The following TNRC18 variants were observed in gnomAD, a reference collection of about 807,000 sequenced individuals.
TNRC18 encodes the protein trinucleotide repeat-containing gene 18 protein.
A neutral mutation model predicts 226.7 loss-of-function variants in TNRC18; 69 were observed. That is an observed-to-expected ratio of 0.30 (90% confidence interval 0.25 to 0.37). TNRC18 has a LOEUF of 0.37. Ranked by LOEUF, TNRC18 falls within the 10% of genes least tolerant of loss-of-function variation. The pLI is 1.00. For missense variants in TNRC18, 4,754 were observed against 4,256.6 expected, an observed-to-expected ratio of 1.12 and a Z score of -3.25; for synonymous variants, 2,449 against 1,927.6, an observed-to-expected ratio of 1.27 and a Z score of -7.09.
At chr7:5,364,514 C>CA (rs1295238659) in intron 11 of TNRC18, among the ~76,000 whole-genome samples, 1 of 145,262 alleles carries the variant, frequency 6.9e-6, no homozygotes, top group Non-Finnish European at 1.5e-5. Flanking sequence ...CACACACACA[C>CA]GATCTCAGGC....
At chr7:5,350,193 G>A (rs1004673701) in intron 17 of TNRC18, among the ~76,000 whole-genome samples, 2 of 152,100 alleles carry the variant, frequency 1.3e-5, no homozygotes, top group Non-Finnish European at 2.9e-5. Flanking sequence ...CGGACAGCCC[G>A]GGCAGGGGGA....
intron 19 of TNRC18, 200 bp from the exon 20 acceptor site, chr7:5,325,448 G>A (rs1788813353): frequency 1.8e-6 from 1 of 565,124 alleles, no homozygotes; most frequent in Non-Finnish European, 3.0e-6. Flanking sequence ...TTTTGAGACG[G>A]AGTCTCGCTC....
chr7:5,345,517 G>GGGGGGGGGGACCCCCCCCCCCCCC, intron 18 of TNRC18, 45 bp downstream of exon 18: 1 of 377,744 alleles, frequency 2.6e-6, no homozygotes, highest in East Asian at 4.6e-5. Flanking sequence ...AATGGCGTCC[G>GGGGGGGGGGACCCCCCCCCCCCCC]CCCCTCCCAC....
At position 5,371,347 on chromosome 7, in the gene TNRC18, G is replaced by A; in HGVS notation, c.3247C>T (p.Pro1083Ser). ...TAGTGCGGTGGCAGGGCTTGGAACG[G>A]GTACCTGGGCGGGATATCTGCCAAG... ...ALFSDIPPRYPFQALPPHYGR... is the reference protein window; with the variant it reads ...ALFSDIPPRYSFQALPPHYGR... The change falls in exon 11 of 30, where the codon CCG becomes TCG. Residue 1083 changes from proline to serine, a missense_variant. Coordinates refer to ENST00000430969, the MANE Select transcript of TNRC18 (RefSeq NM_001080495.3). The A allele has an allele frequency of 1.3e-6, 2 of 1,514,032 alleles. No homozygotes were observed. Among genetic ancestry groups the A allele is most frequent in the Non-Finnish European group, 8.8e-7 (1 of 1,136,980 alleles). 93.8% of individuals were successfully genotyped at this position (1,514,032 alleles called of 1,614,324 possible). A position where few individuals can be genotyped will look rare whatever the true frequency, so the allele number is the denominator to read the frequency against.
At chr7:5,333,579 A>G (rs1420893715) in intron 18 of TNRC18, among the ~76,000 whole-genome samples, 1 of 141,722 alleles carries the variant, frequency 7.1e-6, no homozygotes, top group Non-Finnish European at 1.5e-5. Context: ...GGCCCCACCC[A>G]TTGCACAGCC....
chr7:5,307,157 G>A lies in TNRC18; in HGVS notation c.*949C>T, dbSNP rs1219050622. On this transcript the variant is annotated 3_prime_UTR_variant, in exon 30 of 30. Coordinates refer to ENST00000430969, the MANE Select transcript of TNRC18 (RefSeq NM_001080495.3). ...TGGGAGGCCGGTGAAGCCGGTGCTA[G>A]ACACTATAATCTAACAGGAAATAAA... is the stretch of plus-strand genomic sequence containing the variant. 1 of 151,412 alleles carries A rather than the reference G, an allele frequency of 6.6e-6. No homozygotes were observed. The highest frequency in any genetic ancestry group is 1.5e-5 in the Non-Finnish European group (1 of 67,934). The allele number at this position is 151,412 out of a possible 1,614,324, so 9.4% of individuals were successfully genotyped here.
At position 5,394,314 on chromosome 7, in the gene TNRC18, A is replaced by G; in HGVS notation, c.343+126T>C. On this transcript the variant is annotated intron_variant, in intron 3 of 29. Coordinates refer to ENST00000430969, the MANE Select transcript of TNRC18 (RefSeq NM_001080495.3). This position sits in a 1 kb window ranked among gnomAD's most constrained non-coding sequence, Gnocchi z 4.5. ...CCTGAGCGTTTGAGAAACAACAGGGAAGCCAGGTGACCTGGGACCCACCAG... is the reference window on the plus strand; with the variant it reads ...CCTGAGCGTTTGAGAAACAACAGGGGAGCCAGGTGACCTGGGACCCACCAG... The G allele has an allele frequency of 1.2e-6, 1 of 859,892 alleles. No individual in the cohort carries two copies. Among genetic ancestry groups the G allele is most frequent in the Non-Finnish European group, 1.7e-6 (1 of 587,742 alleles). The allele number at this position is 859,892 out of a possible 1,614,324, so 53.3% of individuals were successfully genotyped here.
At chr7:5,327,341 G>C (rs573367788) in intron 19 of TNRC18, among the ~76,000 whole-genome samples, 296 of 151,960 alleles carry the variant, frequency 1.9e-3, no homozygotes, top group African/African-American at 6.9e-3. Flanking sequence ...CCCCATTTTG[G>C]GGGGGAAAAA....
rs573919548 is a variant in TNRC18 at position 5,420,994 on chromosome 7, G to A, written c.187+66C>T. ...CCGAGCCCCGGCCGCGAGTGCACAG[G>A]AGGACCCGGCCGAGTGGATCTCCCT... On this transcript the variant is annotated intron_variant, in intron 2 of 29. Coordinates refer to ENST00000430969, the MANE Select transcript of TNRC18 (RefSeq NM_001080495.3). 6.5e-6 allele frequency: 10 copies of A among 1,540,216 alleles called. No homozygotes were observed. In the East Asian group the frequency reaches 2.0e-4, roughly 30 times the overall value.
intron 19 of TNRC18, among the ~76,000 whole-genome samples, chr7:5,328,506 C>T (rs1317947461): frequency 7.9e-5 from 10 of 126,612 alleles, no homozygotes; most frequent in Non-Finnish European, 1.2e-4. Context: ...CCTTCCCCGC[C>T]GCCGCCTTTT....
At chr7:5,414,474 G>A (rs896512238) in intron 2 of TNRC18, among the ~76,000 whole-genome samples, 4 of 150,856 alleles carry the variant, frequency 2.7e-5, no homozygotes, top group Non-Finnish European at 4.4e-5. Context: ...GTGCAATGGC[G>A]CGATCTCGGC....
chr7:5,356,829 G>GC (rs1491103752), intron 16 of TNRC18, 87 bp downstream of exon 16: 5 of 765,964 alleles, frequency 6.5e-6, no homozygotes, highest in African/African-American at 2.3e-5. Context: ...AGAGTGAGGG[G>GC]CGGGGGGGGA....
chr7:5,394,362 G>C lies in TNRC18; in HGVS notation c.343+78C>G. On this transcript the variant is annotated intron_variant, in intron 3 of 29. Transcript: ENST00000430969. This position sits in a 1 kb window ranked among gnomAD's most constrained non-coding sequence, Gnocchi z 4.5. ...CAGCCCCAGCTCAGCGATGACAACA[G>C]AGGGGCACATGAAGTGGCCAGAGTG... The C allele has an allele frequency of 7.3e-7, 1 of 1,361,976 alleles. No homozygotes were observed. The highest frequency in any genetic ancestry group is 9.7e-7 in the Non-Finnish European group (1 of 1,026,506). The allele number at this position is 1,361,976 out of a possible 1,614,324, so 84.4% of individuals were successfully genotyped here.
chr7:5,358,903 C>G (rs981661142), intron 15 of TNRC18, among the ~76,000 whole-genome samples: 2 of 152,154 alleles, frequency 1.3e-5, no homozygotes, highest in African/African-American at 4.8e-5. Context: ...AAAAAGGCAC[C>G]TTAAGTGGAT....
intron 2 of TNRC18, among the ~76,000 whole-genome samples, chr7:5,410,310 C>CAAAAAAAAAAAAA (rs1157425008): frequency 1.5e-5 from 1 of 66,216 alleles, no homozygotes; most frequent in Non-Finnish European, 3.6e-5. Context: ...GACTCTGTCT[C>CAAAAAAAAAAAAA]AAAAAAAAAA....
Position 5,316,098 on chromosome 7 carries a change from G to T in TNRC18, c.6746-26C>A, listed in dbSNP as rs751352350. 6.3e-6 allele frequency: 10 copies of T among 1,581,520 alleles called. No individual in the cohort carries two copies. The East Asian group carries it at 2.0e-4, about 32-fold the overall frequency. ...CTGTGGGAAGAGGGGAGGCTCAGGG[G>T]AGGCCCTCGGACCTCCAGCTCCCTA... On this transcript the variant is annotated intron_variant, in intron 24 of 29. Transcript: ENST00000430969.
Position 5,389,340 on chromosome 7 carries a change from CGGA to C in TNRC18, c.488-7_488-5del. The C allele has an allele frequency of 1.6e-6, 2 of 1,274,832 alleles. No homozygotes were observed. Among genetic ancestry groups the C allele is most frequent in the Non-Finnish European group, 2.0e-6 (2 of 1,011,016 alleles). The allele number at this position is 1,274,832 out of a possible 1,614,324, so 79.0% of individuals were successfully genotyped here. On this transcript the variant is annotated splice_region_variant and splice_polypyrimidine_tract_variant and intron_variant, in intron 4 of 29. Coordinates refer to ENST00000430969, the MANE Select transcript of TNRC18 (RefSeq NM_001080495.3). ...GCGGTGGGCAGGTAGAAACCGTCTG[CGGA>C]GAAGGGAACAGCAGGCAGTGAGCGA... is the stretch of plus-strand genomic sequence containing the variant.
At chr7:5,409,150 T>C (rs535049120) in intron 2 of TNRC18, among the ~76,000 whole-genome samples, 3 of 107,904 alleles carry the variant, frequency 2.8e-5, no homozygotes, top group Non-Finnish European at 4.7e-5. Flanking sequence ...CTGAATCCCA[T>C]CTGCTTTTTC....
intron 15 of TNRC18, 140 bp from the exon 16 acceptor site, chr7:5,357,416 T>A (rs1227223558): frequency 1.0e-6 from 1 of 981,512 alleles, no homozygotes; most frequent in Non-Finnish European, 1.4e-6. Context: ...GCATATATAT[T>A]TATTTTTTTT....
Sources: allele counts gnomAD v4.1 joint callset (sites outside exome capture counted in the v4.1 genomes callset), GRCh38; gene constraint gnomAD v4.1.1; non-coding constraint Gnocchi (gnomAD v3.1); transcripts MANE v1.5; gene names NCBI Gene and HGNC (gene_info 2026-07-23, HGNC 2026-07-21).